Variants in CCND2 observed in about 807,000 individuals in gnomAD.
CCND2 encodes G1/S-specific cyclin-D2.
Under a neutral mutation model 30.2 loss-of-function variants are expected in CCND2, and 6 were observed. The ratio of observed to expected loss-of-function variants is 0.20; its 90% CI spans 0.11 to 0.39. The LOEUF (loss-of-function observed/expected upper bound fraction) is 0.39, where lower values mean the gene tolerates loss of function less well. Ranked by LOEUF, CCND2 falls within the 10% of genes least tolerant of loss-of-function variation. The probability of loss-of-function intolerance (pLI) is 1.00; values close to 1 mark genes in which losing one functional copy is unlikely to be tolerated. For missense variants in CCND2, 235 were observed against 373.4 expected, an observed-to-expected ratio of 0.63 and a Z score of 3.06; for synonymous variants, 150 against 153.1, an observed-to-expected ratio of 0.98 and a Z score of 0.15.
chr12:4,276,078 G>C lies in CCND2; in HGVS notation c.269G>C (p.Gly90Ala). Residue 90 changes from glycine (G) to alanine (A), a missense_variant, in exon 2 of 5, where the codon GGG (glycine) becomes GCG (alanine). Gly to Ala is a moderately conservative substitution (Grantham distance 60). Around this residue, in one of 2 missense-constraint regions of CCND2, gnomAD observed 178 missense variants for 322.8 expected, o/e 0.55. Coordinates refer to ENST00000261254, the MANE Select transcript of CCND2 (RefSeq NM_001759.4). This position sits in a 1 kb window ranked among gnomAD's most constrained non-coding sequence, Gnocchi z 4.8. ...AATTACCTGGACCGTTTCTTGGCTG[G>C]GGTCCCGACTCCGAAGTCCCATCTG... Reference protein sequence around the residue: ...AMNYLDRFLAGVPTPKSHLQL... With the variant: ...AMNYLDRFLAAVPTPKSHLQL... 1 of 1,613,724 alleles carries C rather than the reference G, an allele frequency of 6.2e-7. No individual in the cohort carries two copies. The highest frequency in any genetic ancestry group is 8.5e-7 in the Non-Finnish European group (1 of 1,179,948).
At chr12:4,298,200 A>G (rs1864200669) in intron 4 of CCND2, among the ~76,000 whole-genome samples, 2 of 152,198 alleles carry the variant, frequency 1.3e-5, no homozygotes, top group Non-Finnish European at 2.9e-5. Flanking sequence ...CTGCAAGTAT[A>G]GTGGGTGGGC....
chr12:4,286,665 C>G (rs1212794382), intron 3 of CCND2, among the ~76,000 whole-genome samples: 1 of 152,222 alleles, frequency 6.6e-6, no homozygotes, highest in African/African-American at 2.4e-5. Context: ...AAGAGGACTC[C>G]CCTGAAAATC....
intron 4 of CCND2, among the ~76,000 whole-genome samples, chr12:4,295,527 A>C (rs1453641975): frequency 2.0e-5 from 3 of 152,220 alleles, no homozygotes; most frequent in Non-Finnish European, 4.4e-5. Context: ...CTGTAATCCT[A>C]GCACTTTGGG....
chr12:4,273,958 C>T lies in CCND2; in HGVS notation c.-83C>T, dbSNP rs1041525600. On this transcript the variant is annotated 5_prime_UTR_variant, in exon 1 of 5. Coordinates refer to ENST00000261254, the MANE Select transcript of CCND2 (RefSeq NM_001759.4). The surrounding 1 kb of genome is among the most constrained non-coding windows in gnomAD (Gnocchi z 5.9). ...GGAAGGAGGTCAGGGGAACGCTCTC[C>T]CCTCCCCTTCCAAAAAACAAAAACA... The T allele has an allele frequency of 3.6e-6, 5 of 1,372,298 alleles. No homozygotes were observed. Among genetic ancestry groups the T allele is most frequent in the Admixed American group, 4.4e-5 (2 of 45,620 alleles). 85.0% of individuals were successfully genotyped at this position (1,372,298 alleles called of 1,614,324 possible). A position where few individuals can be genotyped will look rare whatever the true frequency, so the allele number is the denominator to read the frequency against.
In CCND2 at chr12:4,276,748, C is replaced by T. The variant is rs1317549719; in HGVS notation, c.411+528C>T. ...ACTTTTGAGCAAAGTCAAAATGTGGCCTTTCACTGAAGGAGTCCGAGGCCT... is the reference window on the plus strand; with the variant it reads ...ACTTTTGAGCAAAGTCAAAATGTGGTCTTTCACTGAAGGAGTCCGAGGCCT... On this transcript the variant is annotated intron_variant, in intron 2 of 4. Coordinates refer to ENST00000261254, the MANE Select transcript of CCND2 (RefSeq NM_001759.4). This position sits in a 1 kb window ranked among gnomAD's most constrained non-coding sequence, Gnocchi z 4.8. 6.6e-6 allele frequency among the ~76,000 whole-genome samples: 1 copy of T among 152,160 alleles called. No homozygotes were observed. The highest frequency in any genetic ancestry group is 1.5e-5 in the Non-Finnish European group (1 of 68,038).
intron 3 of CCND2, among the ~76,000 whole-genome samples, chr12:4,281,550 G>A (rs1254677857): frequency 4.0e-5 from 6 of 151,812 alleles, no homozygotes; most frequent in Non-Finnish European, 8.8e-5. Flanking sequence ...TCCTTTTCTC[G>A]CAGTCCTGGA....
Position 4,299,087 on chromosome 12 carries a change from C to A in CCND2, c.721-773C>A, listed in dbSNP as rs947919582. Among the ~76,000 whole-genome samples, 1 of 151,934 alleles carries A rather than the reference C, an allele frequency of 6.6e-6. No individual in the cohort carries two copies. The highest frequency in any genetic ancestry group is 2.4e-5 in the African/African-American group (1 of 41,340). On this transcript the variant is annotated intron_variant, in intron 4 of 4. Transcript: ENST00000261254. The surrounding 1 kb of genome is among the most constrained non-coding windows in gnomAD (Gnocchi z 5.2). ...TTTTTTTTAAGTATTTACAGTGAGG[C>A]GCGGTGGCTCATGCCTGTAATCCCA...
intron 3 of CCND2, among the ~76,000 whole-genome samples, chr12:4,281,725 G>A (rs1271658250): frequency 6.6e-6 from 1 of 152,112 alleles, no homozygotes; most frequent in East Asian, 1.9e-4. Context: ...GCAGTGTGTG[G>A]GGAGCGTATT....
chr12:4,299,902 C>T lies in CCND2; in HGVS notation c.763C>T (p.Leu255Phe). ...CCAGGAGCAGATTGAGGCGGTGCTC[C>T]TCAATAGCCTGCAGCAGTACCGTCA... ...ACQEQIEAVL[L>F]NSLQQYRQDQ... Residue 255 changes from leucine to phenylalanine, a missense_variant, in exon 5 of 5, where the codon CTC (leucine) becomes TTC (phenylalanine). Coordinates refer to ENST00000261254, the MANE Select transcript of CCND2 (RefSeq NM_001759.4). The surrounding 1 kb of genome is among the most constrained non-coding windows in gnomAD (Gnocchi z 5.2). The T allele has an allele frequency of 6.2e-7, 1 of 1,614,160 alleles. No individual in the cohort carries two copies. Among genetic ancestry groups the T allele is most frequent in the South Asian group, 1.1e-5 (1 of 91,086 alleles).
At chr12:4,275,211 G>A (rs1863851443) in intron 1 of CCND2, 1 of 151,970 alleles carries the variant, frequency 6.6e-6, no homozygotes, top group Non-Finnish European at 1.5e-5. Context: ...TGTCCTTGTG[G>A]GCCGCAGCCG....
intron 3 of CCND2, among the ~76,000 whole-genome samples, chr12:4,288,183 C>T (rs147072748): frequency 6.6e-6 from 1 of 152,012 alleles, no homozygotes; most frequent in Non-Finnish European, 1.5e-5. Context: ...ACTCAGCCCC[C>T]ACTCGCCCAC....
intron 3 of CCND2, among the ~76,000 whole-genome samples, chr12:4,281,447 C>T (rs914741133): frequency 3.3e-5 from 5 of 152,174 alleles, no homozygotes; most frequent in African/African-American, 4.8e-5. Flanking sequence ...TGGCCAGTAG[C>T]GGGCACAGAG....
At chr12:4,291,207 C>CTGTGTGTGTGTGTGTG (rs1320194012) in intron 4 of CCND2, among the ~76,000 whole-genome samples, 14,585 of 138,696 alleles carry the variant, frequency 0.11, 897 homozygotes, top group Non-Finnish European at 0.12. Flanking sequence ...CTGGGCTAGG[C>CTGTGTGTGTGTGTGTG]TGTGTGTGTG....
rs374274472 is a variant in CCND2 at position 4,303,105 on chromosome 12, G to T, written c.*3096G>T. The T allele has an allele frequency of 2.6e-5, 6 of 233,030 alleles. No individual in the cohort carries two copies. The highest frequency in any genetic ancestry group is 5.1e-5 in the Non-Finnish European group (6 of 118,036). The allele number at this position is 233,030 out of a possible 1,614,324, so 14.4% of individuals were successfully genotyped here. A position where few individuals can be genotyped will look rare whatever the true frequency, so the allele number is the denominator to read the frequency against. ...AACAGAAGCAGCAAATGAAAGAACC[G>T]GACAAATAAGGAAGGGCACAAGCCT... On this transcript the variant is annotated 3_prime_UTR_variant, in exon 5 of 5. Coordinates refer to ENST00000261254, the MANE Select transcript of CCND2 (RefSeq NM_001759.4). The surrounding 1 kb of genome is among the most constrained non-coding windows in gnomAD (Gnocchi z 4.6).
In CCND2 at chr12:4,303,634, A is replaced by G. The variant is rs1265227180; in HGVS notation, c.*3625A>G. 1 of 233,494 alleles carries G rather than the reference A, an allele frequency of 4.3e-6. No homozygotes were observed. Among genetic ancestry groups the G allele is most frequent in the Non-Finnish European group, 8.5e-6 (1 of 118,062 alleles). 14.5% of individuals were successfully genotyped at this position (233,494 alleles called of 1,614,324 possible). A position where few individuals can be genotyped will look rare whatever the true frequency, so the allele number is the denominator to read the frequency against. Reference sequence around the variant, plus strand: ...AGAAATCCTAGTATGCCAAAAATATATGCTAAGCATAATTAAACTCCATGC... The same window carrying G: ...AGAAATCCTAGTATGCCAAAAATATGTGCTAAGCATAATTAAACTCCATGC... On this transcript the variant is annotated 3_prime_UTR_variant, in exon 5 of 5. Transcript: ENST00000261254. The surrounding 1 kb of genome is among the most constrained non-coding windows in gnomAD (Gnocchi z 4.6).
In CCND2 at chr12:4,274,726, G is replaced by A. The variant is rs1863840813; in HGVS notation, c.195+491G>A. Among the ~76,000 whole-genome samples, 2 of 152,216 alleles carry A rather than the reference G, an allele frequency of 1.3e-5. No homozygotes were observed. The highest frequency in any genetic ancestry group is 2.1e-4 in the South Asian group (1 of 4,834). ...TTCACCGGGGAGGTGGAGGGAGGAG[G>A]GAGAAGGAGAGAAACGGGGAATTCG... On this transcript the variant is annotated intron_variant, in intron 1 of 4. Transcript: ENST00000261254. The surrounding 1 kb of genome is among the most constrained non-coding windows in gnomAD (Gnocchi z 7.7).
At chr12:4,294,953 C>A (rs1864147865) in intron 4 of CCND2, among the ~76,000 whole-genome samples, 1 of 152,216 alleles carries the variant, frequency 6.6e-6, no homozygotes, top group South Asian at 2.1e-4. Context: ...CCACCCCAAT[C>A]CCATGCATTC....
At chr12:4,296,126 AT>A (rs1394209477) in intron 4 of CCND2, among the ~76,000 whole-genome samples, 4 of 152,332 alleles carry the variant, frequency 2.6e-5, no homozygotes, top group Middle Eastern at 3.4e-3. Flanking sequence ...GAAGACGCGC[AT>A]GGCCTGAAAC....
At chr12:4,297,580 A>C (rs1864189802) in intron 4 of CCND2, among the ~76,000 whole-genome samples, 1 of 151,062 alleles carries the variant, frequency 6.6e-6, no homozygotes, top group Admixed American at 6.6e-5. Context: ...CAAAAAAAAA[A>C]AAAAAAAAAA....
Sources: allele counts gnomAD v4.1 joint callset (sites outside exome capture counted in the v4.1 genomes callset), GRCh38; gene constraint gnomAD v4.1.1; regional missense constraint gnomAD v4.1.1; non-coding constraint Gnocchi (gnomAD v3.1); transcripts MANE v1.5; gene names NCBI Gene and HGNC (gene_info 2026-07-23, HGNC 2026-07-21).